SSBP4: variants seen among roughly 807,000 people sequenced by gnomAD.
The protein encoded by SSBP4 is single stranded DNA binding protein 4.
In SSBP4, 33 loss-of-function variants were observed where a neutral mutation model predicts 64.6. The observed-to-expected ratio is 0.51, with a 90% CI of 0.39 to 0.68. The LOEUF is 0.68. Among genes scored for constraint, SSBP4 ranks in the 30% least tolerant of loss-of-function variants. The pLI is 0.00. For synonymous variants in SSBP4, 243 were observed against 224.0 expected (o/e 1.08, Z -0.76); for missense variants, 583 against 566.8 (o/e 1.03, Z -0.29).
the SSBP4 span, among the ~76,000 whole-genome samples, chr19:18,412,534 T>C: frequency 6.6e-6 from 1 of 150,656 alleles, no homozygotes; most frequent in Non-Finnish European, 1.5e-5. Context: ...ATGGGCATTG[T>C]CAGGGTACCT....
intron 1 of SSBP4, among the ~76,000 whole-genome samples, chr19:18,425,297 C>T (rs1972770811): frequency 2.0e-5 from 3 of 152,124 alleles, no homozygotes; most frequent in Non-Finnish European, 2.9e-5. Context: ...CCGCTGCCCC[C>T]GCCCTCCCGG....
chr19:18,432,037 GCCT>G lies in SSBP4; in HGVS notation c.608_610del (p.Pro203del). The G allele has an allele frequency of 1.9e-6, 3 of 1,582,654 alleles. No homozygotes were observed. Among genetic ancestry groups the G allele is most frequent in the Middle Eastern group, 1.7e-4 (1 of 5,906 alleles). On this transcript the variant is annotated inframe_deletion, in exon 9 of 18. Coordinates refer to ENST00000270061, the MANE Select transcript of SSBP4 (RefSeq NM_032627.5). The stretch of plus-strand genomic sequence containing the variant: ...TGGGCGGCCCAATGCAGAGGGTGAC[GCCT>G]CCTCGTGGCATGGCCAGCGTGGGGC...
chr19:18,403,601 T>G, the SSBP4 span, among the ~76,000 whole-genome samples: 2 of 150,050 alleles, frequency 1.3e-5, no homozygotes, highest in Non-Finnish European at 3.0e-5. Context: ...CTGAGGGTCC[T>G]GGGCTCTGGG....
chr19:18,418,968 T>C, upstream of SSBP4: 1 of 985,466 alleles, frequency 1.0e-6, no homozygotes, highest in Non-Finnish European at 1.2e-6. The surrounding 1 kb of genome is among the most constrained non-coding windows in gnomAD (Gnocchi z 6.7). Flanking sequence ...TTCCCACCCT[T>C]GCTGAGTGTG....
intron 6 of SSBP4, 71 bp downstream of exon 6, chr19:18,431,489 A>G: frequency 8.7e-7 from 1 of 1,150,968 alleles, no homozygotes; most frequent in Non-Finnish European, 1.2e-6. Context: ...TCCCACCCTC[A>G]AGCCATGAGG....
chr19:18,408,226 G>C, the SSBP4 span, among the ~76,000 whole-genome samples: 1 of 152,154 alleles, frequency 6.6e-6, no homozygotes, highest in Non-Finnish European at 1.5e-5. Flanking sequence ...GCTCTCTTGA[G>C]AGCAGTCTTC....
intron 4 of SSBP4, among the ~76,000 whole-genome samples, chr19:18,429,193 G>A (rs1973121723): frequency 6.6e-6 from 1 of 152,080 alleles, no homozygotes; most frequent in Non-Finnish European, 1.5e-5. Context: ...TGCCCGCCGA[G>A]CCTGCACGGA....
In SSBP4 at chr19:18,433,058, G is replaced by T. The variant is rs1197896060; in HGVS notation, c.912+15G>T. ...GCAGGGCTAATGTGAGTGGGGGCTTGCAGGGGTGCTTCTCGAGGCGGTGAC... is the reference window on the plus strand; with the variant it reads ...GCAGGGCTAATGTGAGTGGGGGCTTTCAGGGGTGCTTCTCGAGGCGGTGAC... On this transcript the variant is annotated intron_variant, in intron 14 of 17. Transcript: ENST00000270061. The T allele has an allele frequency of 7.4e-6, 12 of 1,613,856 alleles. No individual in the cohort carries two copies. Among genetic ancestry groups the T allele is most frequent in the Non-Finnish European group, 1.0e-5 (12 of 1,180,018 alleles).
chr19:18,416,366 C>T (rs917166019), upstream of SSBP4, among the ~76,000 whole-genome samples: 5 of 152,146 alleles, frequency 3.3e-5, no homozygotes, highest in African/African-American at 1.2e-4. Flanking sequence ...GGCTGAAGTG[C>T]AGTGGCACGA....
rs558427744 is a variant in SSBP4, at chr19:18,426,699, G to A, written c.60-652G>A. Among the ~76,000 whole-genome samples, 28 of 152,230 alleles carry A rather than the reference G, an allele frequency of 1.8e-4. No individual in the cohort carries two copies. In the South Asian group the frequency reaches 4.1e-3, roughly 23 times the overall value. The stretch of plus-strand genomic sequence containing the variant: ...GGTCCCTGGCAGGCTGGGGACTCGC[G>A]CAGAGCCCTGTGGGTGTTTGGGTAG... On this transcript the variant is annotated intron_variant, in intron 1 of 17. Coordinates refer to ENST00000270061, the MANE Select transcript of SSBP4 (RefSeq NM_032627.5). The surrounding 1 kb of genome is among the most constrained non-coding windows in gnomAD (Gnocchi z 4.5).
At position 18,419,455 on chromosome 19, in the gene SSBP4, G is replaced by A; in HGVS notation, c.-194G>A. The A allele has an allele frequency of 9.4e-7, 1 of 1,064,604 alleles. No individual in the cohort carries two copies. The highest frequency in any genetic ancestry group is 7.2e-5 in the East Asian group (1 of 13,852). The allele number at this position is 1,064,604 out of a possible 1,614,324, so 65.9% of individuals were successfully genotyped here. A position where few individuals can be genotyped will look rare whatever the true frequency, so the allele number is the denominator to read the frequency against. On this transcript the variant is annotated 5_prime_UTR_variant, in exon 1 of 18. Coordinates refer to ENST00000270061, the MANE Select transcript of SSBP4 (RefSeq NM_032627.5). ...AGGAAAAAAAGCCACCCTGCGGCCG[G>A]GGCCGGAGCTGGAGCCGCCGCTGCC...
Position 18,432,063 on chromosome 19 carries a change from G to C in SSBP4, c.629G>C (p.Gly210Ala). 6.3e-7 allele frequency: 1 copy of C among 1,591,850 alleles called. No individual in the cohort carries two copies. ...CCTCCTCGTGGCATGGCCAGCGTGG[G>C]GCCCCAGGTAAGAGTGGAGCCCTGG... ...VTPPRGMASV[G>A]PQSYGGGMRP... Residue 210 changes from glycine (G) to alanine (A), a missense_variant, in exon 9 of 18, where the codon GGG (glycine) becomes GCG (alanine). This residue lies in a region of SSBP4 where 444 missense variants were observed against 386.6 expected (regional missense o/e 1.15). Transcript: ENST00000270061.
In SSBP4 at chr19:18,432,987, A is replaced by C. The variant is rs199654239; in HGVS notation, c.856A>C (p.Ser286Arg). 5 of 1,614,152 alleles carry C rather than the reference A, an allele frequency of 3.1e-6. No individual in the cohort carries two copies. In the African/African-American group the frequency reaches 6.7e-5, roughly 22 times the overall value. Residue 286 changes from serine to arginine, a missense_variant, in exon 14 of 18, where the codon AGC (serine) becomes CGC (arginine). Coordinates refer to ENST00000270061, the MANE Select transcript of SSBP4 (RefSeq NM_032627.5). ...GTCTCCCCCAGATTCCACCAACTCC[A>C]GCGAAAACATGTACACTATCATGAA... ...MPSPGDSTNS[S>R]ENMYTIMNPI... is the part of the protein sequence containing the mutation.
rs1266724659 is a variant in SSBP4, at chr19:18,426,116, G to A, written c.60-1235G>A. 6.6e-6 allele frequency: 1 copy of A among 152,392 alleles called. No homozygotes were observed. Among genetic ancestry groups the A allele is most frequent in the African/African-American group, 2.4e-5 (1 of 41,454 alleles). The allele number at this position is 152,392 out of a possible 1,614,324, so 9.4% of individuals were successfully genotyped here. On this transcript the variant is annotated intron_variant, in intron 1 of 17. Coordinates refer to ENST00000270061, the MANE Select transcript of SSBP4 (RefSeq NM_032627.5). The surrounding 1 kb of genome is among the most constrained non-coding windows in gnomAD (Gnocchi z 4.5). Reference sequence around the variant, plus strand: ...CAGGAAGTCCCCATGTTCTCTAGGGGCCGGGGCAGGAACAGGAGGACTGGA... The same window carrying A: ...CAGGAAGTCCCCATGTTCTCTAGGGACCGGGGCAGGAACAGGAGGACTGGA...
chr19:18,428,056 T>TGGGGGGCTTGGGGGGGGGGTGGGGGGGG, intron 4 of SSBP4, 74 bp downstream of exon 4: 4 of 444,242 alleles, frequency 9.0e-6, no homozygotes, highest in East Asian at 4.7e-5. Context: ...GGAGGTGGGG[T>TGGGGGGCTTGGGGGGGGGGTGGGGGGGG]GGGGGGCTGC....
chr19:18,430,970 C>T, intron 5 of SSBP4, 40 bp downstream of exon 5: 1 of 1,600,702 alleles, frequency 6.2e-7, no homozygotes. Context: ...CCAACTCTGG[C>T]TGAACATGCG....
At chr19:18,404,009 C>T in the SSBP4 span, among the ~76,000 whole-genome samples, 2 of 151,972 alleles carry the variant, frequency 1.3e-5, no homozygotes, top group Admixed American at 6.6e-5. Context: ...TCCAGGCAGC[C>T]GCCAGAGATG....
rs144961476 is a variant in SSBP4 at position 18,434,145 on chromosome 19, C to G, written c.1129-72C>G. The G allele has an allele frequency of 4.8e-4, 769 of 1,602,870 alleles. 3 individuals carry two copies. In the African/African-American group the frequency reaches 8.9e-3, roughly 19 times the overall value. On this transcript the variant is annotated intron_variant, in intron 17 of 17. Transcript: ENST00000270061. ...CAGCCCTGCCCTGTCCCCCATTGTC[C>G]CTGGGGGCGGGTCCCAGCCTCTTCC... is the stretch of plus-strand genomic sequence containing the variant.
At chr19:18,433,880 C>G in intron 17 of SSBP4, 63 bp downstream of exon 17, 1 of 1,292,598 alleles carries the variant, frequency 7.7e-7, no homozygotes, top group Admixed American at 4.3e-5. Context: ...GGCGGGCAGG[C>G]CCCGGCGGGG....
Sources: gnomAD v4.1 joint callset for allele counts (sites outside exome capture counted in the v4.1 genomes callset) on GRCh38, gnomAD v4.1.1 for gene constraint, gnomAD v4.1.1 regional missense constraint, Gnocchi (gnomAD v3.1) non-coding constraint, MANE v1.5 for transcripts, NCBI Gene and HGNC (gene_info 2026-07-23, HGNC 2026-07-21) for gene names.